TMEM176A: variants seen among roughly 807,000 people sequenced by gnomAD.
TMEM176A encodes hepatocellular carcinoma-associated antigen 112.
Under a neutral mutation model 27.9 loss-of-function variants are expected in TMEM176A, and 20 were observed. The observed-to-expected ratio is 0.72, with a 90% CI of 0.50 to 1.04. TMEM176A has a LOEUF of 1.04. Among genes scored for constraint, TMEM176A ranks in the 50% least tolerant of loss-of-function variants. The pLI is 0.00. For synonymous variants in TMEM176A, 125 were observed against 118.0 expected (o/e 1.06, Z -0.38); for missense variants, 252 against 289.1 (o/e 0.87, Z 0.93).
Position 150,804,453 on chromosome 7 carries a change from G to C in TMEM176A, c.647G>C (p.Arg216Thr). ...ACCCCTCTGTGGCTGTACTGCTGGA[G>C]AATGTTCCCAACCAAAGGGGTGAGT... ...SLTPLWLYCW[R>T]MFPTKGKRDQ... Residue 216 changes from arginine to threonine, a missense_variant, in exon 6 of 7, where the codon AGA becomes ACA. Coordinates refer to ENST00000004103, the MANE Select transcript of TMEM176A (RefSeq NM_018487.3). 6.2e-7 allele frequency: 1 copy of C among 1,614,098 alleles called. No homozygotes were observed. The highest frequency in any genetic ancestry group is 8.5e-7 in the Non-Finnish European group (1 of 1,179,942).
In TMEM176A at chr7:150,801,685, C is replaced by A. The variant is rs10239586; in HGVS notation, c.135C>A (p.Thr45=). The change falls in exon 2 of 7, where the codon ACC becomes ACA. Residue 45 remains threonine (T), a synonymous_variant. Transcript: ENST00000004103. ...TCCSALRPRA[T]QARGSSRLLV... is the part of the protein sequence containing the mutation. ...GCTCTGCGCTGCGGCCCCGGGCCAC[C>A]CAGGCCAGGGGCAGCAGCCGGCTGC... 6.3e-7 allele frequency: 1 copy of A among 1,597,680 alleles called. No individual in the cohort carries two copies.
rs1798754965 is a variant in TMEM176A at position 150,800,847 on chromosome 7, C to T, written c.-16+19C>T. The T allele has an allele frequency of 2.2e-6, 2 of 921,208 alleles. No individual in the cohort carries two copies. The highest frequency in any genetic ancestry group is 6.2e-5 in the Admixed American group (1 of 16,182). 57.1% of individuals were successfully genotyped at this position (921,208 alleles called of 1,614,324 possible). A position where few individuals can be genotyped will look rare whatever the true frequency, so the allele number is the denominator to read the frequency against. ...AGCGCAGGTGAGGCGGCACCCCACT[C>T]CCGGCGGCCCCCGGGCCTCCTTCCG... On this transcript the variant is annotated intron_variant, in intron 1 of 6. Transcript: ENST00000004103.
rs183167129 is a variant in TMEM176A at position 150,805,071 on chromosome 7, C to T, written c.*203C>T. The T allele has an allele frequency of 6.6e-6, 4 of 608,822 alleles. No homozygotes were observed. In the Admixed American group the frequency reaches 8.5e-5, roughly 13 times the overall value. 37.7% of individuals were successfully genotyped at this position (608,822 alleles called of 1,614,324 possible). A position where few individuals can be genotyped will look rare whatever the true frequency, so the allele number is the denominator to read the frequency against. ...TCCCCATCCTGCTCCGCTTCATGTC[C>T]CCTCCTGAGTAGTCATGTGATAATA... On this transcript the variant is annotated 3_prime_UTR_variant, in exon 7 of 7. Transcript: ENST00000004103.
intron 1 of TMEM176A, chr7:150,801,092 G>A: frequency 1.5e-6 from 1 of 661,864 alleles, no homozygotes; most frequent in Non-Finnish European, 1.9e-6. Flanking sequence ...TGGCGGGGAT[G>A]GGGGTATCCG....
At position 150,803,108 on chromosome 7, in the gene TMEM176A, C is replaced by G. The variant is rs1369937066; in HGVS notation, c.286-292C>G. The G allele has an allele frequency of 2.7e-6, 3 of 1,104,066 alleles. No homozygotes were observed. The East Asian group carries it at 1.7e-4, about 63-fold the overall frequency. 68.4% of individuals were successfully genotyped at this position (1,104,066 alleles called of 1,614,324 possible). A position where few individuals can be genotyped will look rare whatever the true frequency, so the allele number is the denominator to read the frequency against. ...CCACAGGATCCCACCATCCCTAGAACTTTCATAAAGCACTTGGTGTTGTTT... is the reference window on the plus strand; with the variant it reads ...CCACAGGATCCCACCATCCCTAGAAGTTTCATAAAGCACTTGGTGTTGTTT... On this transcript the variant is annotated intron_variant, in intron 3 of 6. Transcript: ENST00000004103.
chr7:150,803,601 C>G lies in TMEM176A; in HGVS notation c.343-19C>G. ...GAGACTGAAACACAAAGATTTCTCTCTGCCTCCTCCCTCCCCAGGCCCTGC... is the reference window on the plus strand; with the variant it reads ...GAGACTGAAACACAAAGATTTCTCTGTGCCTCCTCCCTCCCCAGGCCCTGC... On this transcript the variant is annotated intron_variant, in intron 4 of 6. Transcript: ENST00000004103. 1 of 1,612,552 alleles carries G rather than the reference C, an allele frequency of 6.2e-7. No homozygotes were observed. Among genetic ancestry groups the G allele is most frequent in the Non-Finnish European group, 8.5e-7 (1 of 1,179,224 alleles).
intron 5 of TMEM176A, 97 bp downstream of exon 5, chr7:150,803,929 A>G (rs1012570959): frequency 1.4e-5 from 16 of 1,153,294 alleles, no homozygotes; most frequent in Non-Finnish European, 1.9e-5. Context: ...AATAGGTGTT[A>G]CCTATTCTGC....
chr7:150,801,104 A>G, intron 1 of TMEM176A: 1 of 550,202 alleles, frequency 1.8e-6, no homozygotes. Context: ...GGGTATCCGG[A>G]GCGCAGCCGG....
At chr7:150,801,257 GAC>G in intron 1 of TMEM176A, 1 of 302,704 alleles carries the variant, frequency 3.3e-6, no homozygotes, top group Non-Finnish European at 6.0e-6. Context: ...GCTTGACCCA[GAC>G]GCCAGGGCCC....
Position 150,801,735 on chromosome 7 carries a change from C to G in TMEM176A, c.174+11C>G. The G allele has an allele frequency of 6.7e-7, 1 of 1,498,872 alleles. No homozygotes were observed. Among genetic ancestry groups the G allele is most frequent in the South Asian group, 1.3e-5 (1 of 76,576 alleles). 92.8% of individuals were successfully genotyped at this position (1,498,872 alleles called of 1,614,324 possible). A position where few individuals can be genotyped will look rare whatever the true frequency, so the allele number is the denominator to read the frequency against. Reference sequence around the variant, plus strand: ...CTGGTGGCCTCGTGGGTGAGTGTGACGGCCTGCCTCGTCGGGCGGCGGGAG... The same window carrying G: ...CTGGTGGCCTCGTGGGTGAGTGTGAGGGCCTGCCTCGTCGGGCGGCGGGAG... On this transcript the variant is annotated intron_variant, in intron 2 of 6. Transcript: ENST00000004103.
At chr7:150,803,901 G>A (rs1798870464) in intron 5 of TMEM176A, 69 bp downstream of exon 5, 1 of 1,471,812 alleles carries the variant, frequency 6.8e-7, no homozygotes, top group Non-Finnish European at 9.4e-7. Context: ...AGGGGCAAGA[G>A]TCAGGTTCTC....
intron 3 of TMEM176A, 154 bp downstream of exon 3, chr7:150,802,479 C>T: frequency 1.3e-6 from 1 of 751,298 alleles, no homozygotes. Flanking sequence ...GAGCAAACAG[C>T]TGAGGGCGGT....
chr7:150,805,045 T>C lies in TMEM176A; in HGVS notation c.*177T>C. 1.5e-6 allele frequency: 1 copy of C among 648,024 alleles called. No homozygotes were observed. The highest frequency in any genetic ancestry group is 2.8e-6 in the Non-Finnish European group (1 of 363,098). The allele number at this position is 648,024 out of a possible 1,614,324, so 40.1% of individuals were successfully genotyped here. On this transcript the variant is annotated 3_prime_UTR_variant, in exon 7 of 7. Coordinates refer to ENST00000004103, the MANE Select transcript of TMEM176A (RefSeq NM_018487.3). ...AGCACTTGCCCATTCCTTACACCCCTTCCCCATCCTGCTCCGCTTCATGTC... is the reference window on the plus strand; with the variant it reads ...AGCACTTGCCCATTCCTTACACCCCCTCCCCATCCTGCTCCGCTTCATGTC...
intron 5 of TMEM176A, 145 bp downstream of exon 5, chr7:150,803,977 G>C (rs2116742108): frequency 1.4e-6 from 1 of 727,992 alleles, no homozygotes; most frequent in Non-Finnish European, 2.2e-6. Context: ...CAAAGCATCA[G>C]ACAAAATAGA....
intron 1 of TMEM176A, chr7:150,801,063 T>G (rs1585290954): frequency 1.1e-6 from 1 of 920,728 alleles, no homozygotes; most frequent in Non-Finnish European, 1.3e-6. Context: ...CAGCAGTCGG[T>G]GGAGCGGGAG....
chr7:150,801,796 C>A (rs1798803154), intron 2 of TMEM176A, 72 bp downstream of exon 2: 1 of 1,364,092 alleles, frequency 7.3e-7, no homozygotes, highest in Admixed American at 2.9e-5. Flanking sequence ...GCACTCTCTG[C>A]CAGCCTCCCT....
At chr7:150,802,863 C>T in intron 3 of TMEM176A, 1 of 988,366 alleles carries the variant, frequency 1.0e-6, no homozygotes, top group Non-Finnish European at 1.2e-6. Context: ...AGAGTAATTA[C>T]CTTCACCCAG....
Position 150,803,701 on chromosome 7 carries a change from T to C in TMEM176A, c.424T>C (p.Tyr142His). 1 of 1,614,188 alleles carries C rather than the reference T, an allele frequency of 6.2e-7. No homozygotes were observed. Among genetic ancestry groups the C allele is most frequent in the Admixed American group, 1.7e-5 (1 of 60,028 alleles). ...ALKLWNEDFRYGYSYYNSACR... is the reference protein window; with the variant it reads ...ALKLWNEDFRHGYSYYNSACR... ...CAAACTTTGGAATGAAGATTTCCGA[T>C]ATGGCTACTCTTATTACAACAGTGC... Residue 142 changes from tyrosine to histidine, a missense_variant, in exon 5 of 7, where the codon TAT becomes CAT. Physicochemically the swap from Tyr to His is moderately conservative, Grantham distance 83 (BLOSUM62 2). Transcript: ENST00000004103.
At chr7:150,803,483 G>T in intron 4 of TMEM176A, 27 bp downstream of exon 4, 5 of 1,580,630 alleles carry the variant, frequency 3.2e-6, no homozygotes, top group Non-Finnish European at 4.3e-6. Flanking sequence ...GCATGGGAGG[G>T]GACCAGGTTC....
Sources: allele counts gnomAD v4.1 joint callset, GRCh38; gene constraint gnomAD v4.1.1; transcripts MANE v1.5; gene names NCBI Gene and HGNC (gene_info 2026-07-23, HGNC 2026-07-21).